RNF212B: variants seen among roughly 807,000 people sequenced by gnomAD.
RNF212B encodes E3 ubiquitin-protein ligase RNF212B.
Under a neutral mutation model 55.5 loss-of-function variants are expected in RNF212B, and 52 were observed. The observed-to-expected ratio is 0.94, with a 90% CI of 0.75 to 1.18. The LOEUF (loss-of-function observed/expected upper bound fraction) is 1.18, where lower values mean the gene tolerates loss of function less well. Among genes scored for constraint, RNF212B ranks in the 50% most tolerant of loss-of-function variants. The probability of loss-of-function intolerance (pLI) is 0.00; values close to 1 mark genes in which losing one functional copy is unlikely to be tolerated. For missense variants in RNF212B, 289 were observed against 350.4 expected, an observed-to-expected ratio of 0.82 and a Z score of 1.40; for synonymous variants, 99 against 121.4, an observed-to-expected ratio of 0.82 and a Z score of 1.21.
intron 1 of RNF212B, among the ~76,000 whole-genome samples, chr14:23,193,112 A>C (rs1408834291): frequency 6.7e-6 from 1 of 149,092 alleles, no homozygotes; most frequent in Non-Finnish European, 1.5e-5. Context: ...AAAAAAAAAA[A>C]AAAAAAGAAT....
chr14:23,232,247 G>A (rs1217605762), intron 2 of RNF212B, among the ~76,000 whole-genome samples: 158 of 145,656 alleles, frequency 1.1e-3, no homozygotes, highest in Non-Finnish European at 1.8e-3. Flanking sequence ...GAGCGCCTCT[G>A]CCCCGCCGCC....
chr14:23,208,980 G>C (rs368761633), intron 2 of RNF212B, among the ~76,000 whole-genome samples: 62 of 151,780 alleles, frequency 4.1e-4, no homozygotes, highest in South Asian at 2.7e-3. Context: ...GGATGGTCTC[G>C]ATCTCCTGAC....
intron 2 of RNF212B, among the ~76,000 whole-genome samples, chr14:23,218,917 A>G (rs1456078533): frequency 2.0e-5 from 3 of 152,170 alleles, no homozygotes; most frequent in Admixed American, 6.6e-5. Flanking sequence ...CCAAAGGTCA[A>G]GGATTAAAAA....
chr14:23,258,263 A>G (rs144140637), intron 4 of RNF212B, among the ~76,000 whole-genome samples: 2 of 150,016 alleles, frequency 1.3e-5, no homozygotes, highest in East Asian at 4.0e-4. Flanking sequence ...GCTTGAACCC[A>G]GGAGGCAGAG....
In RNF212B at chr14:23,257,464, G is replaced by A. The variant is rs543929645; in HGVS notation, c.229-1085G>A. On this transcript the variant is annotated intron_variant, in intron 4 of 14. Coordinates refer to ENST00000430154, the MANE Select transcript of RNF212B (RefSeq NM_001282322.3). ...TTTCAAGTAGAAAGGAAACTCTTAAGTACAATTCTTTAGTAAGGTGGCAAG... is the reference window on the plus strand; with the variant it reads ...TTTCAAGTAGAAAGGAAACTCTTAAATACAATTCTTTAGTAAGGTGGCAAG... 2.7e-4 allele frequency among the ~76,000 whole-genome samples: 41 copies of A among 152,242 alleles called. 1 individual carries two copies. Among genetic ancestry groups the A allele is most frequent in the African/African-American group, 8.9e-4 (37 of 41,544 alleles).
At chr14:23,218,542 G>A (rs1881296059) in intron 2 of RNF212B, among the ~76,000 whole-genome samples, 1 of 151,936 alleles carries the variant, frequency 6.6e-6, no homozygotes, top group Non-Finnish European at 1.5e-5. Context: ...CTGGGAAGTT[G>A]AGGCTGCAGT....
At chr14:23,267,074 T>C (rs572429407) in intron 11 of RNF212B, among the ~76,000 whole-genome samples, 14 of 152,308 alleles carry the variant, frequency 9.2e-5, no homozygotes, top group Non-Finnish European at 1.6e-4. Context: ...GCTTAAGCGA[T>C]AGTCCCACTT....
At chr14:23,252,627 C>T (rs944484487) in intron 4 of RNF212B, among the ~76,000 whole-genome samples, 2 of 151,998 alleles carry the variant, frequency 1.3e-5, no homozygotes, top group African/African-American at 2.4e-5. Context: ...AAGGGTTGGA[C>T]AGGTAGTAAG....
chr14:23,259,016 T>A (rs773854952), intron 5 of RNF212B, among the ~76,000 whole-genome samples: 55 of 143,570 alleles, frequency 3.8e-4, no homozygotes, highest in Non-Finnish European at 2.9e-4. Flanking sequence ...ACTCTGTTTC[T>A]AAAAAAAAAA....
upstream of RNF212B, among the ~76,000 whole-genome samples, chr14:23,236,421 A>G (rs1417739405): frequency 6.6e-6 from 1 of 152,104 alleles, no homozygotes; most frequent in African/African-American, 2.4e-5. Context: ...AGGCTGAGGC[A>G]GGAGAATCGC....
At chr14:23,227,595 C>T (rs1882149940) in intron 2 of RNF212B, among the ~76,000 whole-genome samples, 2 of 149,248 alleles carry the variant, frequency 1.3e-5, no homozygotes, top group Admixed American at 1.3e-4. Flanking sequence ...TTAAATCGAA[C>T]AAAAAGTGTT....
At chr14:23,194,430 G>C (rs946646550) in intron 2 of RNF212B, among the ~76,000 whole-genome samples, 16 of 152,154 alleles carry the variant, frequency 1.1e-4, no homozygotes, top group Non-Finnish European at 2.4e-4. Flanking sequence ...AAATTTTAAT[G>C]TACCTCTATT....
At chr14:23,235,487 G>C (rs1042473027), upstream of RNF212B, among the ~76,000 whole-genome samples, 1 of 152,104 alleles carries the variant, frequency 6.6e-6, no homozygotes, top group Non-Finnish European at 1.5e-5. Context: ...TAGGTATTTG[G>C]TAGGCATTTT....
chr14:23,244,106 G>A (rs769378106), intron 3 of RNF212B, among the ~76,000 whole-genome samples: 1 of 151,988 alleles, frequency 6.6e-6, no homozygotes, highest in Non-Finnish European at 1.5e-5. Context: ...ATAAACAACA[G>A]ATGGAAGCAT....
intron 11 of RNF212B, among the ~76,000 whole-genome samples, chr14:23,268,328 G>T (rs1420132983): frequency 1.3e-5 from 2 of 152,204 alleles, no homozygotes; most frequent in African/African-American, 4.8e-5. Context: ...AGCATGCCCT[G>T]TTGGTTTTCA....
chr14:23,272,552 C>T (rs1405653422), intron 14 of RNF212B: 3 of 441,718 alleles, frequency 6.8e-6, no homozygotes, highest in Non-Finnish European at 1.2e-5. Context: ...GTGTGGTAGT[C>T]ATATGTCCCA....
Position 23,263,108 on chromosome 14 carries a change from A to G in RNF212B, c.524+138A>G. The G allele has an allele frequency of 8.4e-6, 6 of 718,338 alleles. No individual in the cohort carries two copies. In the South Asian group the frequency reaches 1.0e-4, roughly 12 times the overall value. 44.5% of individuals were successfully genotyped at this position (718,338 alleles called of 1,614,324 possible). ...AAGCTAGGGTTTTTTTTTTTCCCTA[A>G]GCCAAACTGTATCCAGCTTTATTAA... On this transcript the variant is annotated intron_variant, in intron 9 of 14. Transcript: ENST00000430154.
chr14:23,244,194 C>CGGTGTTCG, intron 3 of RNF212B, 128 bp from the exon 4 acceptor site: 1 of 552,444 alleles, frequency 1.8e-6, no homozygotes, highest in South Asian at 2.6e-5. Flanking sequence ...GTGGAGATCT[C>CGGTGTTCG]CCTTTTACAC....
chr14:23,236,504 G>A (rs1030219407), upstream of RNF212B, among the ~76,000 whole-genome samples: 51 of 152,082 alleles, frequency 3.4e-4, no homozygotes, highest in African/African-American at 1.2e-3. Flanking sequence ...GACAGAGTGA[G>A]ACTCTGCTTC....
Sources: allele counts gnomAD v4.1 joint callset (sites outside exome capture counted in the v4.1 genomes callset), GRCh38; gene constraint gnomAD v4.1.1; transcripts MANE v1.5; gene names NCBI Gene and HGNC (gene_info 2026-07-23, HGNC 2026-07-21).